Variants in NEK6 observed in about 807,000 individuals in gnomAD.
NEK6 encodes serine/threonine-protein kinase Nek6.
NEK6 carries 27 observed loss-of-function variants against 43.5 expected under a neutral mutation model. That is an observed-to-expected ratio of 0.62 (90% CI 0.46 to 0.86). The LOEUF is 0.86. Ranked by LOEUF, NEK6 falls within the 40% of genes least tolerant of loss-of-function variation. NEK6 has a pLI of 0.00. For missense variants in NEK6, 318 were observed against 414.4 expected, an observed-to-expected ratio of 0.77 and a Z score of 2.02; for synonymous variants, 167 against 164.1, an observed-to-expected ratio of 1.02 and a Z score of -0.14.
intron 7 of NEK6, among the ~76,000 whole-genome samples, chr9:124,327,704 G>T (rs1828727220): frequency 6.6e-6 from 1 of 152,218 alleles, no homozygotes; most frequent in African/African-American, 2.4e-5. Flanking sequence ...CGGTTGCTTG[G>T]AGCAGGGGGC....
At chr9:124,272,874 C>T (rs938824630) in intron 1 of NEK6, among the ~76,000 whole-genome samples, 11 of 152,222 alleles carry the variant, frequency 7.2e-5, no homozygotes, top group African/African-American at 2.2e-4. Context: ...TTTGAACCCA[C>T]GCCCGTGGCT....
At chr9:124,344,909 G>T (rs1055130804) in intron 8 of NEK6, among the ~76,000 whole-genome samples, 16 of 152,336 alleles carry the variant, frequency 1.1e-4, no homozygotes, top group African/African-American at 3.8e-4. Context: ...CGTGGTGGAG[G>T]AGCAGGGCTG....
At chr9:124,257,901 G>A, upstream of NEK6, 11 of 955,236 alleles carry the variant, frequency 1.2e-5, no homozygotes, top group Non-Finnish European at 1.4e-5. Flanking sequence ...GGGCGGCGCG[G>A]CCCCGCGGCG....
intron 9 of NEK6, among the ~76,000 whole-genome samples, chr9:124,348,257 G>A (rs936437013): frequency 2.6e-5 from 4 of 152,280 alleles, no homozygotes; most frequent in South Asian, 2.1e-4. Context: ...CAGGAGGACC[G>A]GTCAGTTTCC....
At chr9:124,308,277 C>T (rs958583233) in intron 2 of NEK6, among the ~76,000 whole-genome samples, 1 of 152,178 alleles carries the variant, frequency 6.6e-6, no homozygotes, top group Non-Finnish European at 1.5e-5. Flanking sequence ...CAACTTGTGC[C>T]CTGGGGTGGG....
chr9:124,304,016 A>G (rs2130809050), intron 2 of NEK6, among the ~76,000 whole-genome samples: 1 of 152,344 alleles, frequency 6.6e-6, no homozygotes, highest in Non-Finnish European at 1.5e-5. Flanking sequence ...GGAGAGGGTA[A>G]TGACATAGTT....
At chr9:124,316,184 C>G (rs1833809673) in intron 4 of NEK6, among the ~76,000 whole-genome samples, 1 of 152,238 alleles carries the variant, frequency 6.6e-6, no homozygotes, top group Non-Finnish European at 1.5e-5. Flanking sequence ...GTTGACATAT[C>G]ACATCATTCA....
chr9:124,264,531 G>A (rs953898930), intron 1 of NEK6, among the ~76,000 whole-genome samples: 15 of 152,220 alleles, frequency 9.9e-5, no homozygotes, highest in African/African-American at 3.4e-4. Flanking sequence ...ACAAAGACCA[G>A]GACAGGCTCA....
intron 1 of NEK6, among the ~76,000 whole-genome samples, chr9:124,279,226 C>T (rs1211811301): frequency 2.0e-5 from 3 of 151,786 alleles, no homozygotes; most frequent in Admixed American, 6.6e-5. Context: ...CCTCGGACCC[C>T]TGGGAAACAT....
chr9:124,320,423 C>T (rs1200575044), intron 4 of NEK6, among the ~76,000 whole-genome samples: 3 of 152,210 alleles, frequency 2.0e-5, no homozygotes, highest in African/African-American at 4.8e-5. Flanking sequence ...ATTTTAGAAT[C>T]CACGGATGGG....
chr9:124,331,450 C>T (rs1481161685), intron 7 of NEK6, among the ~76,000 whole-genome samples: 1 of 152,014 alleles, frequency 6.6e-6, no homozygotes, highest in Non-Finnish European at 1.5e-5. Context: ...GAGCCCTTCT[C>T]GAGGCATCAG....
chr9:124,316,823 G>T (rs780896844), intron 4 of NEK6, among the ~76,000 whole-genome samples: 98 of 152,314 alleles, frequency 6.4e-4, no homozygotes, highest in Non-Finnish European at 1.1e-3. Context: ...TGGGGGAGGA[G>T]TCTCCCTCCT....
rs76145741 is a variant in NEK6, at chr9:124,322,757, A to G, written c.405+1188A>G. ...CCCCACCCTGCTCACAGCCGCACTT[A>G]GAAACGGGGCCGGATGTGGGTTCTC... On this transcript the variant is annotated intron_variant, in intron 5 of 9. Transcript: ENST00000320246. Among the ~76,000 whole-genome samples the G allele has an allele frequency of 7.7e-3, 1,168 of 152,374 alleles. 17 individuals are homozygous for G. Among genetic ancestry groups the G allele is most frequent in the African/African-American group, 0.025 (1,042 of 41,584 alleles).
chr9:124,281,480 G>GTTT lies in NEK6; in HGVS notation c.-29-20452_-29-20450dup, dbSNP rs1554845431. On this transcript the variant is annotated intron_variant, in intron 1 of 9. Coordinates refer to ENST00000320246, the MANE Select transcript of NEK6 (RefSeq NM_014397.6). The stretch of plus-strand genomic sequence containing the variant: ...GGCATAGCTACTTTCCATGTCAGCT[G>GTTT]TTTTTTCTTTTTTTTTTTTTTTTTT... Among the ~76,000 whole-genome samples, 19 of 114,902 alleles carry GTTT rather than the reference G, an allele frequency of 1.7e-4. No individual in the cohort carries two copies. In the East Asian group the frequency reaches 2.3e-3, roughly 14 times the overall value. 75.4% of individuals were successfully genotyped at this position (114,902 alleles called of 152,430 possible).
intron 1 of NEK6, among the ~76,000 whole-genome samples, chr9:124,277,714 A>G (rs1320411356): frequency 6.6e-6 from 1 of 152,210 alleles, no homozygotes; most frequent in Non-Finnish European, 1.5e-5. Flanking sequence ...CTTCCCTGTC[A>G]GAGAAGTTGT....
In NEK6 at chr9:124,259,173, TCTAA is replaced by T. The variant is rs1460077515; in HGVS notation, c.-30+1091_-30+1094del. 3 of 152,374 alleles carry T rather than the reference TCTAA, an allele frequency of 2.0e-5. No individual in the cohort carries two copies. In the East Asian group the frequency reaches 5.8e-4, roughly 29 times the overall value. 9.4% of individuals were successfully genotyped at this position (152,374 alleles called of 1,614,324 possible). A position where few individuals can be genotyped will look rare whatever the true frequency, so the allele number is the denominator to read the frequency against. On this transcript the variant is annotated intron_variant, in intron 1 of 9. Coordinates refer to ENST00000320246, the MANE Select transcript of NEK6 (RefSeq NM_014397.6). ...CAGGCTTTTGTGTGTGTGCGTGCTCTCTAACTGTTGAAAATCTTTGCAGCTGAAA... is the reference window on the plus strand; with the variant it reads ...CAGGCTTTTGTGTGTGTGCGTGCTCTCTGTTGAAAATCTTTGCAGCTGAAA...
intron 7 of NEK6, among the ~76,000 whole-genome samples, chr9:124,336,838 G>A (rs1985286): frequency 0.071 from 10,829 of 152,080 alleles, 971 homozygotes; most frequent in East Asian, 0.45. Context: ...GTGAAACTCC[G>A]TCTCTACTAA....
At chr9:124,333,773 CTTTTTTTT>C (rs148074227) in intron 7 of NEK6, among the ~76,000 whole-genome samples, 2,623 of 120,010 alleles carry the variant, frequency 0.022, 81 homozygotes, top group African/African-American at 0.077. Context: ...CATTTCAGTC[CTTTTTTTT>C]TTTTTTTTTT....
At chr9:124,340,278 C>T (rs888835129) in intron 8 of NEK6, among the ~76,000 whole-genome samples, 1 of 152,190 alleles carries the variant, frequency 6.6e-6, no homozygotes, top group African/African-American at 2.4e-5. Flanking sequence ...AAATGGAAGC[C>T]CCCCACCCAT....
Sources: gnomAD v4.1 joint callset for allele counts (sites outside exome capture counted in the v4.1 genomes callset) on GRCh38, gnomAD v4.1.1 for gene constraint, MANE v1.5 for transcripts, NCBI Gene and HGNC (gene_info 2026-07-23, HGNC 2026-07-21) for gene names.